CCL4: variants seen among roughly 807,000 people sequenced by gnomAD.
The protein encoded by CCL4 is C-C motif chemokine ligand 4, also known as C-C motif chemokine 4.
CCL4 carries 8 observed loss-of-function variants against 10.3 expected under a neutral mutation model. The observed-to-expected ratio is 0.77, with a 90% CI of 0.45 to 1.39. The LOEUF (loss-of-function observed/expected upper bound fraction) is 1.39, where lower values mean the gene tolerates loss of function less well. Ranked by LOEUF, CCL4 falls within the 40% of genes most tolerant of loss-of-function variation. The pLI is 0.00. For synonymous variants in CCL4, 35 were observed against 44.3 expected, an observed-to-expected ratio of 0.79 and a Z score of 0.83; for missense variants, 106 against 111.2, an observed-to-expected ratio of 0.95 and a Z score of 0.21.
At chr17:36,104,732 A>G (rs1719147) in intron 2 of CCL4, 90 bp downstream of exon 2, 1,177,855 of 1,535,036 alleles carry the variant, frequency 0.77, 453,608 homozygotes, top group East Asian at 0.95. Flanking sequence ...GTGATTGAGC[A>G]TTGGGGAGGC....
intron 2 of CCL4, chr17:36,104,958 C>A: frequency 1.4e-6 from 1 of 707,478 alleles, no homozygotes; most frequent in South Asian, 1.5e-5. Context: ...GGAAAAGTCA[C>A]TGCCAGGCTG....
rs1464100120 is a variant in CCL4, at chr17:36,105,503, A to G, written c.*191A>G. 3.0e-6 allele frequency: 2 copies of G among 670,338 alleles called. No homozygotes were observed. The highest frequency in any genetic ancestry group is 3.6e-5 in the African/African-American group (2 of 55,258). 41.5% of individuals were successfully genotyped at this position (670,338 alleles called of 1,614,324 possible). ...ATTTATATTAGTTTAGCCAAAGGAT[A>G]AGTGTCCCCTATGGGGATGGTCCAC... On this transcript the variant is annotated 3_prime_UTR_variant, in exon 3 of 3. Coordinates refer to ENST00000615863, the MANE Select transcript of CCL4 (RefSeq NM_002984.4).
rs1598829050 is a variant in CCL4 at position 36,105,602 on chromosome 17, A to G, written c.*290A>G. 3.9e-6 allele frequency: 2 copies of G among 514,458 alleles called. No homozygotes were observed. The highest frequency in any genetic ancestry group is 6.9e-5 in the East Asian group (2 of 28,926). 31.9% of individuals were successfully genotyped at this position (514,458 alleles called of 1,614,324 possible). On this transcript the variant is annotated 3_prime_UTR_variant, in exon 3 of 3. Coordinates refer to ENST00000615863, the MANE Select transcript of CCL4 (RefSeq NM_002984.4). ...CTGTGTGTTTTCATAATAAAACTTT[A>G]AAATAAAATGCAGACAGTTTCTTTG...
chr17:36,105,057 T>C, intron 2 of CCL4, 168 bp from the exon 3 acceptor site: 1 of 800,362 alleles, frequency 1.2e-6, no homozygotes, highest in South Asian at 1.4e-5. Flanking sequence ...CTAAATCCAG[T>C]GGGTGGAAGT....
In CCL4 at chr17:36,104,899, G is replaced by A; in HGVS notation, c.191+257G>A. The stretch of plus-strand genomic sequence containing the variant: ...CAGGGAAGCAGGGGAAGGCAGACAG[G>A]TCCCATGAGATATGGACCGATTCCT... On this transcript the variant is annotated intron_variant, in intron 2 of 2. Coordinates refer to ENST00000615863, the MANE Select transcript of CCL4 (RefSeq NM_002984.4). 4.4e-6 allele frequency: 3 copies of A among 689,008 alleles called. No homozygotes were observed. The Admixed American group carries it at 6.2e-5, about 14-fold the overall frequency. The allele number at this position is 689,008 out of a possible 1,614,324, so 42.7% of individuals were successfully genotyped here.
chr17:36,105,104 A>T, intron 2 of CCL4, 121 bp from the exon 3 acceptor site: 4 of 1,058,084 alleles, frequency 3.8e-6, no homozygotes, highest in Non-Finnish European at 5.9e-6. Context: ...TCCAGGAAGG[A>T]TCCCATCCAC....
rs1162640621 is a variant in CCL4 at position 36,105,587 on chromosome 17, T to C, written c.*275T>C. ...ATAACACATTTGATTCTGTGTGTTT[T>C]CATAATAAAACTTTAAAATAAAATG... is the stretch of plus-strand genomic sequence containing the variant. On this transcript the variant is annotated 3_prime_UTR_variant, in exon 3 of 3. Coordinates refer to ENST00000615863, the MANE Select transcript of CCL4 (RefSeq NM_002984.4). 20 of 542,326 alleles carry C rather than the reference T, an allele frequency of 3.7e-5. No individual in the cohort carries two copies. Among genetic ancestry groups the C allele is most frequent in the Middle Eastern group, 4.9e-4 (1 of 2,036 alleles). 33.6% of individuals were successfully genotyped at this position (542,326 alleles called of 1,614,324 possible).
chr17:36,104,451 A>G, intron 1 of CCL4, 77 bp from the exon 2 acceptor site: 1 of 1,347,540 alleles, frequency 7.4e-7, no homozygotes, highest in African/African-American at 1.4e-5. Flanking sequence ...GGGATGCTCA[A>G]TGAAGATACA....
intron 1 of CCL4, 131 bp from the exon 2 acceptor site, chr17:36,104,397 C>T: frequency 1.9e-6 from 2 of 1,049,882 alleles, no homozygotes; most frequent in Non-Finnish European, 2.9e-6. Context: ...GACTCCTGCT[C>T]ATGTTAGGTG....
rs1296838128 is a variant in CCL4, at chr17:36,105,396, ACTCCTCTCCG to A, written c.*86_*95del. 1.5e-6 allele frequency: 2 copies of A among 1,346,580 alleles called. No individual in the cohort carries two copies. The highest frequency in any genetic ancestry group is 2.9e-5 in the African/African-American group (2 of 69,632). 83.4% of individuals were successfully genotyped at this position (1,346,580 alleles called of 1,614,324 possible). A position where few individuals can be genotyped will look rare whatever the true frequency, so the allele number is the denominator to read the frequency against. Reference sequence around the variant, plus strand: ...GAGACACATCTCCTCCATACTCAGGACTCCTCTCCGCAGTTCCTGTCCCTTCTCTTAATTT... The same window carrying A: ...GAGACACATCTCCTCCATACTCAGGACAGTTCCTGTCCCTTCTCTTAATTT... On this transcript the variant is annotated 3_prime_UTR_variant, in exon 3 of 3. Transcript: ENST00000615863.
At position 36,105,489 on chromosome 17, in the gene CCL4, T is replaced by C. The variant is rs1431025747; in HGVS notation, c.*177T>C. 7.0e-6 allele frequency: 5 copies of C among 717,524 alleles called. No individual in the cohort carries two copies. Among genetic ancestry groups the C allele is most frequent in the Non-Finnish European group, 7.2e-6 (3 of 418,164 alleles). 44.4% of individuals were successfully genotyped at this position (717,524 alleles called of 1,614,324 possible). On this transcript the variant is annotated 3_prime_UTR_variant, in exon 3 of 3. Transcript: ENST00000615863. ...GTGTCATTTCCATTATTTATATTAGTTTAGCCAAAGGATAAGTGTCCCCTA... is the reference window on the plus strand; with the variant it reads ...GTGTCATTTCCATTATTTATATTAGCTTAGCCAAAGGATAAGTGTCCCCTA...
chr17:36,105,195 A>C, intron 2 of CCL4, 30 bp from the exon 3 acceptor site: 1 of 1,601,230 alleles, frequency 6.2e-7, no homozygotes, highest in Non-Finnish European at 8.6e-7. Context: ...GTCTCATGAG[A>C]TTCTAATCTG....
At position 36,105,105 on chromosome 17, in the gene CCL4, T is replaced by C. The variant is rs9891632; in HGVS notation, c.192-120T>C. On this transcript the variant is annotated intron_variant, in intron 2 of 2. Transcript: ENST00000615863. ...GCTTCCAGTGCTGCTCCAGGAAGGA[T>C]CCCATCCACCAGAGCTGCCCCACAT... 7.7e-3 allele frequency: 8,175 copies of C among 1,062,550 alleles called. 324 individuals are homozygous for C. In the African/African-American group the frequency reaches 0.097, roughly 13 times the overall value. The allele number at this position is 1,062,550 out of a possible 1,614,324, so 65.8% of individuals were successfully genotyped here.
rs754879682 is a variant in CCL4 at position 36,103,938 on chromosome 17, C to T, written c.33C>T (p.Leu11=). 6.2e-7 allele frequency: 1 copy of T among 1,614,008 alleles called. No individual in the cohort carries two copies. Among genetic ancestry groups the T allele is most frequent in the East Asian group, 2.2e-5 (1 of 44,886 alleles). MKLCVTVLSL[L]MLVAAFCSPA... Reference sequence around the variant, plus strand: ...TCTGCGTGACTGTCCTGTCTCTCCTCATGCTAGTAGCTGCCTTCTGCTCTC... The same window carrying T: ...TCTGCGTGACTGTCCTGTCTCTCCTTATGCTAGTAGCTGCCTTCTGCTCTC... The change falls in exon 1 of 3, where the codon CTC becomes CTT. Residue 11 remains leucine (L), a synonymous_variant. Transcript: ENST00000615863.
chr17:36,104,614 A>G lies in CCL4; in HGVS notation c.163A>G (p.Ser55Gly), dbSNP rs755772909. 1.9e-6 allele frequency: 3 copies of G among 1,613,798 alleles called. No individual in the cohort carries two copies. The highest frequency in any genetic ancestry group is 2.5e-6 in the Non-Finnish European group (3 of 1,179,860). ...CTTTGTGGTAGATTACTATGAGACC[A>G]GCAGCCTCTGCTCCCAGCCAGCTGT... ...RNFVVDYYET[S>G]SLCSQPAVVF... Residue 55 changes from serine (S) to glycine (G), a missense_variant, in exon 2 of 3, where the codon AGC (serine) becomes GGC (glycine). By Grantham distance (56) the Ser-to-Gly change is moderately conservative. Transcript: ENST00000615863.
At chr17:36,105,129 A>G (rs1192544261) in intron 2 of CCL4, 96 bp from the exon 3 acceptor site, 23 of 1,309,380 alleles carry the variant, frequency 1.8e-5, no homozygotes, top group South Asian at 2.4e-5. Flanking sequence ...GCTGCCCCAC[A>G]TGGACCATGG....
In CCL4 at chr17:36,105,404, C is replaced by A; in HGVS notation, c.*92C>A. 8.1e-7 allele frequency: 1 copy of A among 1,237,892 alleles called. No individual in the cohort carries two copies. The highest frequency in any genetic ancestry group is 1.2e-6 in the Non-Finnish European group (1 of 838,094). The allele number at this position is 1,237,892 out of a possible 1,614,324, so 76.7% of individuals were successfully genotyped here. On this transcript the variant is annotated 3_prime_UTR_variant, in exon 3 of 3. Coordinates refer to ENST00000615863, the MANE Select transcript of CCL4 (RefSeq NM_002984.4). ...TCTCCTCCATACTCAGGACTCCTCTCCGCAGTTCCTGTCCCTTCTCTTAAT... is the reference window on the plus strand; with the variant it reads ...TCTCCTCCATACTCAGGACTCCTCTACGCAGTTCCTGTCCCTTCTCTTAAT...
In CCL4 at chr17:36,105,480, T is replaced by C; in HGVS notation, c.*168T>C. 2.7e-6 allele frequency: 2 copies of C among 736,782 alleles called. No homozygotes were observed. The highest frequency in any genetic ancestry group is 4.9e-5 in the Admixed American group (2 of 41,172). The allele number at this position is 736,782 out of a possible 1,614,324, so 45.6% of individuals were successfully genotyped here. A position where few individuals can be genotyped will look rare whatever the true frequency, so the allele number is the denominator to read the frequency against. ...TTGTATTAGGTGTCATTTCCATTAT[T>C]TATATTAGTTTAGCCAAAGGATAAG... On this transcript the variant is annotated 3_prime_UTR_variant, in exon 3 of 3. Transcript: ENST00000615863.
At chr17:36,104,348 C>G in intron 1 of CCL4, 180 bp from the exon 2 acceptor site, 1 of 755,300 alleles carries the variant, frequency 1.3e-6, no homozygotes, top group Non-Finnish European at 2.4e-6. Context: ...TTCTAGATTT[C>G]TTTCTCGTTC....
Sources: allele counts gnomAD v4.1 joint callset, GRCh38; gene constraint gnomAD v4.1.1; transcripts MANE v1.5; gene names NCBI Gene and HGNC (gene_info 2026-07-23, HGNC 2026-07-21).